The following TP53BP1 variants were observed in gnomAD, a reference collection of about 807,000 sequenced individuals.
TP53BP1 encodes tumor protein p53 binding protein 1, also known as TP53-binding protein 1.
TP53BP1 carries 61 observed loss-of-function variants against 200.8 expected under a neutral mutation model. The ratio of observed to expected loss-of-function variants is 0.30; its 90% CI spans 0.25 to 0.38. The LOEUF is 0.38. Among genes scored for constraint, TP53BP1 ranks in the 10% least tolerant of loss-of-function variants. The pLI is 1.00. For synonymous variants in TP53BP1, 822 were observed against 844.3 expected (o/e 0.97, Z 0.46); for missense variants, 2,144 against 2,371.9 (o/e 0.90, Z 2.00).
At chr15:43,409,856 T>A (rs552518269) in intron 24 of TP53BP1, 115 bp from the exon 25 acceptor site, 2 of 506,524 alleles carry the variant, frequency 3.9e-6, no homozygotes, top group Non-Finnish European at 6.8e-6. Context: ...CAACAGTGTG[T>A]CCCCAAAGAC....
At chr15:43,415,880 C>G (rs1218458514) in intron 22 of TP53BP1, 71 bp from the exon 23 acceptor site, 1 of 1,309,548 alleles carries the variant, frequency 7.6e-7, no homozygotes, top group East Asian at 2.3e-5. Context: ...AGAAACTGGG[C>G]AGACCCTGAT....
chr15:43,438,154 T>A (rs187378011), intron 16 of TP53BP1, among the ~76,000 whole-genome samples, 170 bp downstream of exon 16: 34 of 152,340 alleles, frequency 2.2e-4, no homozygotes, highest in African/African-American at 8.2e-4. Context: ...GTGGTCAACT[T>A]CTGTAGCTTT....
chr15:43,433,769 G>C (rs147411799), intron 16 of TP53BP1, among the ~76,000 whole-genome samples: 14 of 152,306 alleles, frequency 9.2e-5, no homozygotes, highest in African/African-American at 3.4e-4. Context: ...ATAAACTGTA[G>C]ATAAACTCAG....
At chr15:43,432,708 C>T in intron 16 of TP53BP1, 31 bp from the exon 17 acceptor site, 8 of 1,573,780 alleles carry the variant, frequency 5.1e-6, no homozygotes, top group Non-Finnish European at 6.9e-6. Context: ...GAAGCCATGT[C>T]AATTAAGCAA....
chr15:43,464,729 C>A (rs972886639), intron 11 of TP53BP1, among the ~76,000 whole-genome samples: 1 of 151,624 alleles, frequency 6.6e-6, no homozygotes, highest in Non-Finnish European at 1.5e-5. Flanking sequence ...CATGGAGAAA[C>A]CCCGTCTCTA....
At chr15:43,460,478 C>T (rs889168794) in intron 11 of TP53BP1, among the ~76,000 whole-genome samples, 1 of 152,074 alleles carries the variant, frequency 6.6e-6, no homozygotes, top group South Asian at 2.1e-4. Flanking sequence ...AGGCTTGTTT[C>T]AAAATCCTGG....
At position 43,475,619 on chromosome 15, in the gene TP53BP1, A is replaced by G. The variant is rs1173026951; in HGVS notation, c.1031T>C (p.Leu344Pro). 1.9e-6 allele frequency: 3 copies of G among 1,614,142 alleles called. No individual in the cohort carries two copies. The highest frequency in any genetic ancestry group is 1.7e-6 in the Non-Finnish European group (2 of 1,180,034). The change falls in exon 9 of 28, where the codon CTG (leucine) becomes CCG (proline). Residue 344 changes from leucine (L) to proline (P), a missense_variant. Leu to Pro is a moderately conservative substitution (Grantham distance 98). Coordinates refer to ENST00000382044, the MANE Select transcript of TP53BP1 (RefSeq NM_001141980.3). ...CSLASTPATT[L>P]HLLQLSGQRS... ...CTGACCAGAGAGCTGCAGGAGATGC[A>G]GAGTGGTGGCAGGAGTGGAAGCCAA...
At chr15:43,507,782 G>T in intron 1 of TP53BP1, among the ~76,000 whole-genome samples, 1 of 151,398 alleles carries the variant, frequency 6.6e-6, no homozygotes, top group Non-Finnish European at 1.5e-5. Context: ...AGAGCGCAGT[G>T]GCGAGATCTC....
intron 11 of TP53BP1, among the ~76,000 whole-genome samples, chr15:43,469,007 T>C (rs690436): frequency 0.27 from 41,162 of 152,148 alleles, 9,157 homozygotes; most frequent in African/African-American, 0.61. Context: ...TTTCAAATTT[T>C]ACTTTTAAAT....
intron 21 of TP53BP1, 63 bp downstream of exon 21, chr15:43,420,242 A>G (rs918046973): frequency 6.2e-5 from 91 of 1,458,194 alleles, no homozygotes; most frequent in Non-Finnish European, 8.0e-5. Flanking sequence ...AACTACTAAC[A>G]TAACAGAGTA....
chr15:43,452,533 AGCC>A (rs1203620291), intron 12 of TP53BP1, among the ~76,000 whole-genome samples: 1 of 152,210 alleles, frequency 6.6e-6, no homozygotes, highest in Non-Finnish European at 1.5e-5. Context: ...ACTGCACTCC[AGCC>A]TGGGCGACAG....
intron 10 of TP53BP1, 101 bp from the exon 11 acceptor site, chr15:43,470,167 T>TA: frequency 1.0e-6 from 1 of 996,150 alleles, no homozygotes. Context: ...ATTTTCACTC[T>TA]AAAAAAATAG....
chr15:43,424,627 T>C (rs936952117), intron 18 of TP53BP1, among the ~76,000 whole-genome samples: 1 of 152,178 alleles, frequency 6.6e-6, no homozygotes, highest in African/African-American at 2.4e-5. Context: ...CTATCTTCCA[T>C]AGGGAAAAAA....
intron 23 of TP53BP1, among the ~76,000 whole-genome samples, chr15:43,414,529 A>G (rs2045213704): frequency 6.6e-6 from 1 of 152,170 alleles, no homozygotes; most frequent in Non-Finnish European, 1.5e-5. Flanking sequence ...GAAAGTTCCA[A>G]AAGGGAATAG....
At chr15:43,473,179 C>G (rs1040059269) in intron 10 of TP53BP1, among the ~76,000 whole-genome samples, 5 of 152,046 alleles carry the variant, frequency 3.3e-5, no homozygotes, top group Admixed American at 3.3e-4. Context: ...GCAGCGTGGA[C>G]CCAAAGAGTG....
chr15:43,492,120 C>A (rs771743336), intron 2 of TP53BP1, 25 bp from the exon 3 acceptor site: 21 of 1,568,450 alleles, frequency 1.3e-5, no homozygotes, highest in Admixed American at 8.4e-5. Flanking sequence ...TACAAAATAT[C>A]CCCATTATAT....
intron 1 of TP53BP1, among the ~76,000 whole-genome samples, chr15:43,498,188 C>G (rs914925553): frequency 6.6e-6 from 1 of 151,924 alleles, no homozygotes; most frequent in African/African-American, 2.4e-5. Flanking sequence ...AAAGATGATT[C>G]AAAATAAATA....
At chr15:43,410,553 A>AT (rs2045083602) in intron 24 of TP53BP1, among the ~76,000 whole-genome samples, 1 of 151,910 alleles carries the variant, frequency 6.6e-6, no homozygotes, top group South Asian at 2.1e-4. Context: ...TAAATAACAC[A>AT]TTAAAAAAAA....
chr15:43,404,127 A>C lies in TP53BP1; in HGVS notation c.*3256T>G, dbSNP rs1345662760. On this transcript the variant is annotated 3_prime_UTR_variant, in exon 28 of 28. Transcript: ENST00000382044. ...CTCACTGAGATAATTATCTGCTTGT[A>C]ATCAAAACGGGTTCTCCCCAACCCC... 2 of 515,286 alleles carry C rather than the reference A, an allele frequency of 3.9e-6. No individual in the cohort carries two copies. The highest frequency in any genetic ancestry group is 1.9e-5 in the African/African-American group (1 of 52,654). 31.9% of individuals were successfully genotyped at this position (515,286 alleles called of 1,614,324 possible).
Sources: allele counts gnomAD v4.1 joint callset (sites outside exome capture counted in the v4.1 genomes callset), GRCh38; gene constraint gnomAD v4.1.1; transcripts MANE v1.5; gene names NCBI Gene and HGNC (gene_info 2026-07-23, HGNC 2026-07-21).